The following ATP13A4 variants were observed in gnomAD, a reference collection of about 807,000 sequenced individuals.
ATP13A4 encodes the protein probable cation-transporting ATPase 13A4.
Under a neutral mutation model 142.5 loss-of-function variants are expected in ATP13A4, and 114 were observed. That is an observed-to-expected ratio of 0.80 (90% confidence interval 0.69 to 0.93). The LOEUF is 0.93. Ranked by LOEUF, ATP13A4 falls within the 40% of genes least tolerant of loss-of-function variation. The pLI is 0.00. For missense variants in ATP13A4, 1,392 were observed against 1,454.0 expected (o/e 0.96, Z 0.69); for synonymous variants, 488 against 514.8 (o/e 0.95, Z 0.70).
At position 193,404,088 on chromosome 3, in the gene ATP13A4, A is replaced by G. The variant is rs961191270; in HGVS notation, c.3379-1224T>C. 5 of 985,468 alleles carry G rather than the reference A, an allele frequency of 5.1e-6. No homozygotes were observed. In the East Asian group the frequency reaches 4.5e-4, roughly 89 times the overall value. The allele number at this position is 985,468 out of a possible 1,614,324, so 61.0% of individuals were successfully genotyped here. On this transcript the variant is annotated intron_variant, in intron 29 of 29. Coordinates refer to ENST00000342695, the MANE Select transcript of ATP13A4 (RefSeq NM_032279.4). ...GTCTCAGCCTCTTGGAAACTTAGCC[A>G]GATGAGTTATTCTACTTTCCTGCAG... is the stretch of plus-strand genomic sequence containing the variant.
At chr3:193,568,164 T>G (rs1180866492) in intron 2 of ATP13A4, among the ~76,000 whole-genome samples, 2 of 152,102 alleles carry the variant, frequency 1.3e-5, no homozygotes, top group South Asian at 2.1e-4. Flanking sequence ...TTTCACCATG[T>G]TGGCCAGGCT....
intron 1 of ATP13A4, among the ~76,000 whole-genome samples, chr3:193,588,370 C>T (rs962564816): frequency 6.6e-6 from 1 of 152,218 alleles, no homozygotes; most frequent in East Asian, 1.9e-4. Context: ...CCAAAGCCAG[C>T]ATTATCATCC....
rs554927410 is a variant in ATP13A4 at position 193,503,995 on chromosome 3, A to ATGTGTGTGTG, written c.235-1366_235-1357dup. On this transcript the variant is annotated intron_variant, in intron 2 of 29. Transcript: ENST00000342695. The stretch of plus-strand genomic sequence containing the variant: ...CAGGCTTAGCACAGGTTCTGTGTGC[A>ATGTGTGTGTG]TGTGTGTGTGTGTGTGTGTGTGTGT... Among the ~76,000 whole-genome samples, 822 of 136,132 alleles carry ATGTGTGTGTG rather than the reference A, an allele frequency of 6.0e-3. 8 individuals are homozygous for ATGTGTGTGTG. Among genetic ancestry groups the ATGTGTGTGTG allele is most frequent in the East Asian group, 0.057 (252 of 4,388 alleles). The allele number at this position is 136,132 out of a possible 152,430, so 89.3% of individuals were successfully genotyped here.
intron 2 of ATP13A4, among the ~76,000 whole-genome samples, chr3:193,566,400 T>C (rs1177008719): frequency 6.6e-6 from 1 of 152,118 alleles, no homozygotes; most frequent in African/African-American, 2.4e-5. Context: ...CCTGCCTCCT[T>C]ACTCAGTGTA....
chr3:193,412,509 ACACAC>A, intron 26 of ATP13A4, 138 bp from the exon 27 acceptor site: 3 of 41,798 alleles, frequency 7.2e-5, no homozygotes, highest in Non-Finnish European at 1.3e-4. Flanking sequence ...TTTGGAAAAC[ACACAC>A]ACACACACAC....
At chr3:193,474,532 C>A (rs113577331) in intron 8 of ATP13A4, among the ~76,000 whole-genome samples, 1 of 134,982 alleles carries the variant, frequency 7.4e-6, no homozygotes, top group South Asian at 2.3e-4. Flanking sequence ...AAGTCCCTGT[C>A]AAGACAGAGA....
At chr3:193,451,802 A>G (rs1044337938) in intron 17 of ATP13A4, among the ~76,000 whole-genome samples, 9 of 152,340 alleles carry the variant, frequency 5.9e-5, no homozygotes, top group East Asian at 3.9e-4. Flanking sequence ...CCACACAGAA[A>G]AAAACCCCAA....
At chr3:193,554,954 C>T (rs903749507), upstream of ATP13A4, 3 of 1,577,386 alleles carry the variant, frequency 1.9e-6, no homozygotes, top group Non-Finnish European at 2.6e-6. Flanking sequence ...CTTCTCTCAA[C>T]AAATGACAAT....
chr3:193,512,556 C>T (rs1432251898), intron 2 of ATP13A4, among the ~76,000 whole-genome samples: 1 of 152,160 alleles, frequency 6.6e-6, no homozygotes, highest in East Asian at 1.9e-4. Flanking sequence ...CTAAATATGG[C>T]CCCTTATAAG....
At chr3:193,523,860 G>A (rs1242184873) in intron 1 of ATP13A4, among the ~76,000 whole-genome samples, 1 of 152,146 alleles carries the variant, frequency 6.6e-6, no homozygotes, top group East Asian at 1.9e-4. Context: ...ATTACGAATA[G>A]ATGAATGCCC....
chr3:193,426,507 C>G (rs1291448972), intron 25 of ATP13A4, among the ~76,000 whole-genome samples: 1 of 151,762 alleles, frequency 6.6e-6, no homozygotes, highest in East Asian at 1.9e-4. Flanking sequence ...GAAATGGAGT[C>G]AGTCCTCAGA....
chr3:193,427,181 A>C (rs1488047107), intron 25 of ATP13A4, among the ~76,000 whole-genome samples: 2 of 152,176 alleles, frequency 1.3e-5, no homozygotes, highest in Non-Finnish European at 2.9e-5. Flanking sequence ...CAGCCAAATC[A>C]TGAGTGAACT....
chr3:193,492,130 A>G (rs1260167943), intron 5 of ATP13A4, among the ~76,000 whole-genome samples: 1 of 152,186 alleles, frequency 6.6e-6, no homozygotes, highest in Non-Finnish European at 1.5e-5. Context: ...TGTTAAAATG[A>G]AGATTCTGAT....
intron 1 of ATP13A4, among the ~76,000 whole-genome samples, chr3:193,538,862 T>G (rs991224542): frequency 5.1e-4 from 77 of 150,562 alleles, no homozygotes; most frequent in Non-Finnish European, 8.6e-4. Flanking sequence ...CAAATGGAGG[T>G]GGCTATTTTT....
chr3:193,414,422 T>C (rs1014388999), intron 26 of ATP13A4, among the ~76,000 whole-genome samples, 157 bp downstream of exon 26: 6 of 152,188 alleles, frequency 3.9e-5, no homozygotes, highest in African/African-American at 1.2e-4. Context: ...TAAATCATGC[T>C]ACAGAGAAGA....
At chr3:193,568,020 C>A (rs767343698) in intron 2 of ATP13A4, among the ~76,000 whole-genome samples, 1 of 151,650 alleles carries the variant, frequency 6.6e-6, no homozygotes, top group Non-Finnish European at 1.5e-5. Context: ...AGTGCAATGG[C>A]GCAGTCTCGG....
intron 2 of ATP13A4, among the ~76,000 whole-genome samples, chr3:193,579,949 A>G (rs1724497822): frequency 1.3e-5 from 2 of 152,196 alleles, no homozygotes; most frequent in African/African-American, 4.8e-5. Flanking sequence ...CATGCCTAAA[A>G]TGGCATTGAA....
At chr3:193,538,421 T>G (rs957803021) in intron 1 of ATP13A4, among the ~76,000 whole-genome samples, 1 of 151,128 alleles carries the variant, frequency 6.6e-6, no homozygotes, top group African/African-American at 2.4e-5. Flanking sequence ...ACATCTATTT[T>G]AGAGATGGAA....
chr3:193,423,913 T>C (rs963381290), intron 25 of ATP13A4, among the ~76,000 whole-genome samples: 1 of 149,516 alleles, frequency 6.7e-6, no homozygotes, highest in Non-Finnish European at 1.5e-5. Flanking sequence ...GGCATGCTCT[T>C]ATACATAGAT....
Sources: allele counts gnomAD v4.1 joint callset (sites outside exome capture counted in the v4.1 genomes callset), GRCh38; gene constraint gnomAD v4.1.1; transcripts MANE v1.5; gene names NCBI Gene and HGNC (gene_info 2026-07-23, HGNC 2026-07-21).